The following ITSN1 variants were observed in gnomAD, a reference collection of about 807,000 sequenced individuals.
ITSN1 encodes the protein intersectin-1.
A neutral mutation model predicts 239.8 loss-of-function variants in ITSN1; 58 were observed. That is an observed-to-expected ratio of 0.24 (90% CI 0.20 to 0.30). ITSN1 has a LOEUF of 0.30. ITSN1 is among the 10% of genes least tolerant of loss of function. The probability of loss-of-function intolerance (pLI) is 1.00; values close to 1 mark genes in which losing one functional copy is unlikely to be tolerated. For synonymous variants in ITSN1, 780 were observed against 770.8 expected, an observed-to-expected ratio of 1.01 and a Z score of -0.20; for missense variants, 1,558 against 2,103.3, an observed-to-expected ratio of 0.74 and a Z score of 5.07.
Position 33,750,328 on chromosome 21 carries a change from T to A in ITSN1, c.526+6T>A. On this transcript the variant is annotated splice_donor_region_variant and intron_variant, in intron 6 of 39. Transcript: ENST00000381318. ...GCCTGCATTTGCTCATCCTGGTATG[T>A]GACTTGCTGAAACCATAGGCTGAGT... 1.9e-6 allele frequency: 3 copies of A among 1,612,214 alleles called. No homozygotes were observed. Among genetic ancestry groups the A allele is most frequent in the Non-Finnish European group, 2.5e-6 (3 of 1,179,596 alleles).
In ITSN1 at chr21:33,772,256, T is replaced by C; in HGVS notation, c.1238T>C (p.Leu413Pro). ...AGACAACTGGAACTGGAGAAGCAAC[T>C]GGAAAAGCAGCGGGAGCTAGAACGG... Reference protein sequence around the residue: ...RKRQLELEKQLEKQRELERQR... With the variant: ...RKRQLELEKQPEKQRELERQR... Residue 413 changes from leucine to proline, a missense_variant, in exon 12 of 40, where the codon CTG becomes CCG. Coordinates refer to ENST00000381318, the MANE Select transcript of ITSN1 (RefSeq NM_003024.3). The C allele has an allele frequency of 6.3e-7, 1 of 1,598,786 alleles. No individual in the cohort carries two copies. Among genetic ancestry groups the C allele is most frequent in the Non-Finnish European group, 8.5e-7 (1 of 1,172,346 alleles).
In ITSN1 at chr21:33,886,384, C is replaced by T; in HGVS notation, c.4941C>T (p.Cys1647=). ...TGAACCCCAAGTGGAATTCCAACTGCCAGTTCTTCATCCGAGACCTGGAGC... is the reference window on the plus strand; with the variant it reads ...TGAACCCCAAGTGGAATTCCAACTGTCAGTTCTTCATCCGAGACCTGGAGC... ...DTLNPKWNSN[C]QFFIRDLEQE... is the part of the protein sequence containing the mutation. Residue 1647 remains cysteine, a synonymous_variant, in exon 39 of 40, where the codon TGC becomes TGT. Coordinates refer to ENST00000381318, the MANE Select transcript of ITSN1 (RefSeq NM_003024.3). 2.5e-6 allele frequency: 4 copies of T among 1,613,760 alleles called. No homozygotes were observed. The highest frequency in any genetic ancestry group is 3.4e-6 in the Non-Finnish European group (4 of 1,179,882).
At chr21:33,784,298 CTGTCTCT>C (rs2070446868) in intron 16 of ITSN1, among the ~76,000 whole-genome samples, 1 of 141,690 alleles carries the variant, frequency 7.1e-6, no homozygotes, top group Admixed American at 7.2e-5. Context: ...GGGTGAAGCC[CTGTCTCT>C]ACAAAACACA....
At chr21:33,777,230 CT>C in intron 14 of ITSN1, among the ~76,000 whole-genome samples, 1 of 152,224 alleles carries the variant, frequency 6.6e-6, no homozygotes. Context: ...AAAACACTGG[CT>C]TTTTTCCCAT....
intron 27 of ITSN1, among the ~76,000 whole-genome samples, chr21:33,830,568 C>G (rs1482931570): frequency 6.6e-6 from 1 of 151,996 alleles, no homozygotes; most frequent in East Asian, 1.9e-4. Flanking sequence ...CCGTCAGGAT[C>G]ATAAAAGACA....
rs743337 is a variant in ITSN1 at position 33,893,220 on chromosome 21, A to G, written c.*4920A>G. The G allele has an allele frequency of 0.27, 41,372 of 152,088 alleles. 5,734 individuals are homozygous for G. Among genetic ancestry groups the G allele is most frequent in the East Asian group, 0.32 (1,655 of 5,188 alleles). The allele number at this position is 152,088 out of a possible 1,614,324, so 9.4% of individuals were successfully genotyped here. A position where few individuals can be genotyped will look rare whatever the true frequency, so the allele number is the denominator to read the frequency against. On this transcript the variant is annotated 3_prime_UTR_variant, in exon 40 of 40. Transcript: ENST00000381318. ...CCTTCTAGAGTGAATGTTTCCCTCG[A>G]GCCCTTGGATATTTTTATTCTATTT... is the stretch of plus-strand genomic sequence containing the variant.
intron 14 of ITSN1, among the ~76,000 whole-genome samples, chr21:33,775,835 A>G (rs557296224): frequency 6.6e-6 from 1 of 152,352 alleles, no homozygotes; most frequent in East Asian, 1.9e-4. Context: ...TTGGAGACAT[A>G]CAGAGCACTT....
intron 1 of ITSN1, among the ~76,000 whole-genome samples, chr21:33,670,554 G>A (rs1029273302): frequency 3.3e-5 from 5 of 151,728 alleles, no homozygotes; most frequent in African/African-American, 1.2e-4. Context: ...ATGTGTTGCA[G>A]ACCTCCTTAA....
In ITSN1 at chr21:33,811,054, A is replaced by G. The variant is rs2072873268; in HGVS notation, c.2399A>G (p.Tyr800Cys). Residue 800 changes from tyrosine (Y) to cysteine (C), a missense_variant, in exon 21 of 40, where the codon TAT becomes TGT. Coordinates refer to ENST00000381318, the MANE Select transcript of ITSN1 (RefSeq NM_003024.3). ...AAGACAGGGTGGTTCCCTGCAAACT[A>G]TGCAGAGAAAATCCCAGAAAATGAG... ...KGKTGWFPANYAEKIPENEVP... is the reference protein window; with the variant it reads ...KGKTGWFPANCAEKIPENEVP... 1 of 1,614,134 alleles carries G rather than the reference A, an allele frequency of 6.2e-7. No homozygotes were observed. The highest frequency in any genetic ancestry group is 8.5e-7 in the Non-Finnish European group (1 of 1,179,968).
intron 16 of ITSN1, among the ~76,000 whole-genome samples, chr21:33,792,344 G>GC (rs1296676499): frequency 6.6e-6 from 1 of 152,042 alleles, no homozygotes; most frequent in African/African-American, 2.4e-5. Context: ...AGCTGGGACT[G>GC]CAGGCGCCTG....
chr21:33,858,840 C>T, intron 31 of ITSN1, 48 bp downstream of exon 31: 1 of 1,035,418 alleles, frequency 9.7e-7, no homozygotes, highest in South Asian at 1.3e-5. Context: ...CCTCGGCTCT[C>T]ATGCACTCGC....
chr21:33,824,483 C>G (rs1008499769), intron 25 of ITSN1, among the ~76,000 whole-genome samples: 2 of 152,058 alleles, frequency 1.3e-5, no homozygotes, highest in Admixed American at 1.3e-4. Context: ...CAGTTATTTT[C>G]TTTTTCTCCT....
chr21:33,775,754 G>A (rs2069552244), intron 14 of ITSN1, among the ~76,000 whole-genome samples: 1 of 152,096 alleles, frequency 6.6e-6, no homozygotes, highest in African/African-American at 2.4e-5. Flanking sequence ...GCTTTACTGT[G>A]GTAATTACAA....
chr21:33,831,667 T>C (rs1383814624), intron 27 of ITSN1, among the ~76,000 whole-genome samples: 2 of 151,944 alleles, frequency 1.3e-5, no homozygotes, highest in Non-Finnish European at 2.9e-5. Flanking sequence ...CGTCTACCAC[T>C]CTGTGGAAGT....
At position 33,751,072 on chromosome 21, in the gene ITSN1, T is replaced by A. The variant is rs182770793; in HGVS notation, c.527-738T>A. Among the ~76,000 whole-genome samples the A allele has an allele frequency of 7.5e-4, 115 of 152,356 alleles. 2 individuals carry two copies. Among genetic ancestry groups the A allele is most frequent in the Admixed American group, 5.8e-3 (88 of 15,298 alleles). On this transcript the variant is annotated intron_variant, in intron 6 of 39. Coordinates refer to ENST00000381318, the MANE Select transcript of ITSN1 (RefSeq NM_003024.3). ...TGTTGTATATTTATCAGGATATATA[T>A]TTAAGTTATGGCCAAATAAGCTAAA...
intron 1 of ITSN1, among the ~76,000 whole-genome samples, chr21:33,713,276 G>A (rs1221797743): frequency 1.3e-5 from 2 of 151,300 alleles, no homozygotes; most frequent in Non-Finnish European, 2.9e-5. Flanking sequence ...GTCTTGCTCC[G>A]TCTCCCAGGC....
At chr21:33,786,803 T>G (rs2070714308) in intron 16 of ITSN1, among the ~76,000 whole-genome samples, 1 of 152,188 alleles carries the variant, frequency 6.6e-6, no homozygotes, top group African/African-American at 2.4e-5. Flanking sequence ...GAATGGCCGT[T>G]TACATTTGAG....
chr21:33,697,427 A>G (rs1324584393), intron 1 of ITSN1, among the ~76,000 whole-genome samples: 1 of 151,958 alleles, frequency 6.6e-6, no homozygotes, highest in Non-Finnish European at 1.5e-5. Context: ...CATTACACAG[A>G]TGACAACATT....
Position 33,885,432 on chromosome 21 carries a change from G to T in ITSN1, c.4760-7G>T. On this transcript the variant is annotated splice_polypyrimidine_tract_variant and splice_region_variant and intron_variant, in intron 37 of 39. Coordinates refer to ENST00000381318, the MANE Select transcript of ITSN1 (RefSeq NM_003024.3). Reference sequence around the variant, plus strand: ...TGAAGCATTTTGTGTTTTTCCTGCCGTCATAGTCCGTTCCCAAAGGGCAAC... The same window carrying T: ...TGAAGCATTTTGTGTTTTTCCTGCCTTCATAGTCCGTTCCCAAAGGGCAAC... The T allele has an allele frequency of 1.9e-6, 3 of 1,613,746 alleles. No individual in the cohort carries two copies. The highest frequency in any genetic ancestry group is 2.5e-6 in the Non-Finnish European group (3 of 1,179,714).
Sources: allele counts gnomAD v4.1 joint callset (sites outside exome capture counted in the v4.1 genomes callset), GRCh38; gene constraint gnomAD v4.1.1; transcripts MANE v1.5; gene names NCBI Gene and HGNC (gene_info 2026-07-23, HGNC 2026-07-21).